The following PXDNL variants were observed in gnomAD, a reference collection of about 807,000 sequenced individuals.
The protein encoded by PXDNL is peroxidasin like.
A neutral mutation model predicts 150.8 loss-of-function variants in PXDNL; 145 were observed. That is an observed-to-expected ratio of 0.96 (90% CI 0.84 to 1.10). The LOEUF (loss-of-function observed/expected upper bound fraction) is 1.10. PXDNL is among the 50% of genes least tolerant of loss of function. PXDNL has a pLI of 0.00. For missense variants in PXDNL, 2,087 were observed against 1,873.9 expected, an observed-to-expected ratio of 1.11 and a Z score of -2.10; for synonymous variants, 757 against 725.7, an observed-to-expected ratio of 1.04 and a Z score of -0.69.
intron 1 of PXDNL, among the ~76,000 whole-genome samples, chr8:51,731,777 T>C (rs1460431770): frequency 2.0e-5 from 3 of 152,246 alleles, no homozygotes; most frequent in Non-Finnish European, 4.4e-5. Context: ...CCATCAAAGC[T>C]TGGGGCTTGC....
intron 1 of PXDNL, among the ~76,000 whole-genome samples, chr8:51,776,981 A>T (rs1417046505): frequency 6.6e-6 from 1 of 152,214 alleles, no homozygotes; most frequent in Non-Finnish European, 1.5e-5. Context: ...GCAACTTATG[A>T]TACGTCACTA....
intron 1 of PXDNL, among the ~76,000 whole-genome samples, chr8:51,736,014 G>A (rs554923111): frequency 8.1e-4 from 124 of 152,218 alleles, no homozygotes; most frequent in Non-Finnish European, 1.4e-3. Context: ...AAGTTGAATT[G>A]TTAATGACAT....
At chr8:51,491,706 A>G (rs7812416) in intron 5 of PXDNL, among the ~76,000 whole-genome samples, 63,526 of 151,986 alleles carry the variant, frequency 0.42, 15,342 homozygotes, top group African/African-American at 0.67. Flanking sequence ...AGGACTTTGA[A>G]TCTTGGTGGT....
Position 51,409,215 on chromosome 8 carries a change from G to A in PXDNL, c.2409C>T (p.Leu803=), listed in dbSNP as rs765869662. 1.6e-5 allele frequency: 25 copies of A among 1,571,720 alleles called. No homozygotes were observed. The highest frequency in any genetic ancestry group is 1.7e-6 in the Non-Finnish European group (2 of 1,164,004). ...GCTCTAGAAACCAGCCCCAGTGCAT[G>A]AGCATGCGCGTGTAGCTGTGGTCGG... ...VTPDHSYTRM[L]MHWGWFLEHD... Residue 803 remains leucine (L), a synonymous_variant, in exon 17 of 23, where the codon CTC becomes CTT. Coordinates refer to ENST00000356297, the MANE Select transcript of PXDNL (RefSeq NM_144651.5).
At chr8:51,392,397 T>C (rs1286582258) in intron 17 of PXDNL, among the ~76,000 whole-genome samples, 1 of 152,208 alleles carries the variant, frequency 6.6e-6, no homozygotes, top group Non-Finnish European at 1.5e-5. Context: ...CATTTCTTTG[T>C]ATCCTCTTTT....
chr8:51,499,791 T>C (rs1811144673), intron 4 of PXDNL, 21 bp from the exon 5 acceptor site: 3 of 1,533,772 alleles, frequency 2.0e-6, no homozygotes, highest in South Asian at 1.1e-5. Flanking sequence ...AAAAATCAAG[T>C]TGGTTACTCC....
chr8:51,792,094 TTAAG>T (rs1407016161), intron 1 of PXDNL, among the ~76,000 whole-genome samples: 5 of 152,128 alleles, frequency 3.3e-5, no homozygotes, highest in African/African-American at 7.2e-5. Context: ...ACCTTCTGCC[TTAAG>T]TAAGAAGAGC....
chr8:51,684,522 G>T (rs1815830475), intron 1 of PXDNL, among the ~76,000 whole-genome samples: 1 of 152,160 alleles, frequency 6.6e-6, no homozygotes, highest in Non-Finnish European at 1.5e-5. Flanking sequence ...CTTCCATTCA[G>T]TGTGGGCAGA....
Position 51,415,108 on chromosome 8 carries a change from C to T in PXDNL, c.1796-1850G>A, listed in dbSNP as rs144927839. 8.9e-4 allele frequency among the ~76,000 whole-genome samples: 136 copies of T among 152,164 alleles called. 1 individual carries two copies. In the East Asian group the frequency reaches 0.024, roughly 27 times the overall value. ...TTTGTAATATTGCATATGCACACATCCTCTCATCCAGTAATTTCAATCCCA... is the reference window on the plus strand; with the variant it reads ...TTTGTAATATTGCATATGCACACATTCTCTCATCCAGTAATTTCAATCCCA... On this transcript the variant is annotated intron_variant, in intron 14 of 22. Coordinates refer to ENST00000356297, the MANE Select transcript of PXDNL (RefSeq NM_144651.5).
chr8:51,389,602 C>T (rs762765445), intron 17 of PXDNL, among the ~76,000 whole-genome samples: 2 of 152,188 alleles, frequency 1.3e-5, no homozygotes, highest in Non-Finnish European at 2.9e-5. Flanking sequence ...ATGTCTATGA[C>T]TGATAATCAT....
At chr8:51,593,240 T>C (rs993850033) in intron 2 of PXDNL, among the ~76,000 whole-genome samples, 4 of 151,934 alleles carry the variant, frequency 2.6e-5, no homozygotes, top group African/African-American at 9.7e-5. Flanking sequence ...GGGAGAAAAA[T>C]AATAGGTGGC....
intron 1 of PXDNL, among the ~76,000 whole-genome samples, chr8:51,775,452 G>A (rs2037341871): frequency 6.6e-6 from 1 of 152,164 alleles, no homozygotes; most frequent in African/African-American, 2.4e-5. Flanking sequence ...GTTCATCAGT[G>A]TCACCCTGTG....
At chr8:51,752,304 A>C (rs1234995332) in intron 1 of PXDNL, among the ~76,000 whole-genome samples, 1 of 151,908 alleles carries the variant, frequency 6.6e-6, no homozygotes, top group Non-Finnish European at 1.5e-5. Flanking sequence ...AGGCCTGGGG[A>C]GTTTCTTCAG....
chr8:51,629,219 G>A (rs1405766954), intron 2 of PXDNL, among the ~76,000 whole-genome samples: 1 of 152,114 alleles, frequency 6.6e-6, no homozygotes, highest in East Asian at 1.9e-4. Context: ...AGCAGACATA[G>A]TGGAGATTAA....
chr8:51,534,810 C>G (rs1812024943), intron 4 of PXDNL, among the ~76,000 whole-genome samples: 1 of 133,630 alleles, frequency 7.5e-6, no homozygotes, highest in African/African-American at 3.1e-5. Flanking sequence ...GGTCAGCCCC[C>G]CGCCCGGCCA....
chr8:51,400,666 G>A (rs1052857128), intron 17 of PXDNL, among the ~76,000 whole-genome samples: 1 of 152,072 alleles, frequency 6.6e-6, no homozygotes, highest in African/African-American at 2.4e-5. Context: ...CTTCTGTGTT[G>A]CAGGTCTATA....
At chr8:51,545,021 T>C (rs923476810) in intron 4 of PXDNL, among the ~76,000 whole-genome samples, 4 of 152,206 alleles carry the variant, frequency 2.6e-5, no homozygotes, top group Non-Finnish European at 4.4e-5. Context: ...TTAAGGATTA[T>C]AGATTACATG....
At chr8:51,625,345 G>A (rs1264027611) in intron 2 of PXDNL, among the ~76,000 whole-genome samples, 1 of 152,178 alleles carries the variant, frequency 6.6e-6, no homozygotes, top group East Asian at 1.9e-4. Context: ...TAGCGCCCCT[G>A]TGACTTCTAA....
chr8:51,707,115 T>C (rs947455150), intron 1 of PXDNL, among the ~76,000 whole-genome samples: 2 of 152,230 alleles, frequency 1.3e-5, no homozygotes, highest in East Asian at 1.9e-4. Flanking sequence ...TAATTTGTTT[T>C]GGATCATGCT....
Sources: allele counts gnomAD v4.1 joint callset (sites outside exome capture counted in the v4.1 genomes callset), GRCh38; gene constraint gnomAD v4.1.1; transcripts MANE v1.5; gene names NCBI Gene and HGNC (gene_info 2026-07-23, HGNC 2026-07-21).